Variants in IQCH observed in about 807,000 individuals in gnomAD.
The protein encoded by IQCH is IQ domain-containing protein H.
Under a neutral mutation model 117.0 loss-of-function variants are expected in IQCH, and 98 were observed. That is an observed-to-expected ratio of 0.84 (90% CI 0.71 to 0.99). The LOEUF (loss-of-function observed/expected upper bound fraction) is 0.99. Among genes scored for constraint, IQCH ranks in the 50% least tolerant of loss-of-function variants. The pLI, the probability that IQCH is intolerant of heterozygous loss-of-function variation, is 0.00. For missense variants in IQCH, 1,102 were observed against 1,243.8 expected (o/e 0.89, Z 1.72); for synonymous variants, 412 against 448.2 (o/e 0.92, Z 1.02).
chr15:67,407,663 T>C lies in IQCH; in HGVS notation c.2097+7358T>C, dbSNP rs1416921144. 2.0e-5 allele frequency: 3 copies of C among 152,244 alleles called. No homozygotes were observed. The allele number at this position is 152,244 out of a possible 1,614,324, so 9.4% of individuals were successfully genotyped here. On this transcript the variant is annotated intron_variant, in intron 14 of 20. Coordinates refer to ENST00000335894, the MANE Select transcript of IQCH (RefSeq NM_001031715.3). This position sits in a 1 kb window ranked among gnomAD's most constrained non-coding sequence, Gnocchi z 5.3. ...CCTGCAGTGTTAATTTTTAATATGC[T>C]TACAAAGTACCCTTTGATTTTCTGT...
In IQCH at chr15:67,352,632, G is replaced by A. The variant is rs28870703; in HGVS notation, c.638-4713G>A. ...AATTATATCTGCTATTGAGGAGCCT[G>A]TGGACTATTGAGGAGTCAGTGGTAG... is the stretch of plus-strand genomic sequence containing the variant. On this transcript the variant is annotated intron_variant, in intron 6 of 20. Transcript: ENST00000335894. Among the ~76,000 whole-genome samples, 662 of 149,048 alleles carry A rather than the reference G, an allele frequency of 4.4e-3. 4 individuals carry two copies. The highest frequency in any genetic ancestry group is 0.015 in the African/African-American group (621 of 41,312).
Position 67,411,603 on chromosome 15 carries a change from C to T in IQCH, c.2098-5328C>T, listed in dbSNP as rs182900851. 3.3e-5 allele frequency among the ~76,000 whole-genome samples: 5 copies of T among 152,072 alleles called. No homozygotes were observed. In the East Asian group the frequency reaches 9.7e-4, roughly 29 times the overall value. On this transcript the variant is annotated intron_variant, in intron 14 of 20. Coordinates refer to ENST00000335894, the MANE Select transcript of IQCH (RefSeq NM_001031715.3). The surrounding 1 kb of genome is among the most constrained non-coding windows in gnomAD (Gnocchi z 4.4). ...ATTAATTCACCACTGCAGATTGGCA[C>T]ATGACCCAATTACACCAATGTGTGT...
chr15:67,344,332 C>G, intron 6 of IQCH, 141 bp downstream of exon 6: 1 of 598,494 alleles, frequency 1.7e-6, no homozygotes, highest in Non-Finnish European at 2.8e-6. Flanking sequence ...TCACTACATT[C>G]CCACAGTCAG....
At position 67,364,502 on chromosome 15, in the gene IQCH, T is replaced by C. The variant is rs1970262899; in HGVS notation, c.753+4617T>C. Reference sequence around the variant, plus strand: ...ACTGTTTTTACTACTTTTCATAGCATTGTCTAACTGAACATTTTTATTACA... The same window carrying C: ...ACTGTTTTTACTACTTTTCATAGCACTGTCTAACTGAACATTTTTATTACA... On this transcript the variant is annotated intron_variant, in intron 8 of 20. Coordinates refer to ENST00000335894, the MANE Select transcript of IQCH (RefSeq NM_001031715.3). The surrounding 1 kb of genome is among the most constrained non-coding windows in gnomAD (Gnocchi z 4.1). Among the ~76,000 whole-genome samples the C allele has an allele frequency of 6.6e-6, 1 of 152,186 alleles. No individual in the cohort carries two copies. The highest frequency in any genetic ancestry group is 2.4e-5 in the African/African-American group (1 of 41,450).
Position 67,490,050 on chromosome 15 carries a change from C to T in IQCH, c.2847C>T (p.His949=), listed in dbSNP as rs2083604948. Residue 949 remains histidine (H), a synonymous_variant, in exon 19 of 21, where the codon CAC becomes CAT. Transcript: ENST00000335894. This position sits in a 1 kb window ranked among gnomAD's most constrained non-coding sequence, Gnocchi z 4.9. ...VFILYEHLKR[H]KLGMLTIGED... ...TATTATATGAGCACCTGAAGAGACA[C>T]AAGTTGGGAATGTTGTGAGTATGAA... 1.2e-6 allele frequency: 2 copies of T among 1,611,186 alleles called. No individual in the cohort carries two copies. The highest frequency in any genetic ancestry group is 1.7e-5 in the Admixed American group (1 of 59,942).
At chr15:67,495,272 CA>C (rs1484068692) in intron 20 of IQCH, among the ~76,000 whole-genome samples, 1 of 152,220 alleles carries the variant, frequency 6.6e-6, no homozygotes, top group African/African-American at 2.4e-5. Flanking sequence ...GCTTTCCCTA[CA>C]ACATGATTGA....
rs544945996 is a variant in IQCH, at chr15:67,353,562, G to A, written c.638-3783G>A. Among the ~76,000 whole-genome samples the A allele has an allele frequency of 1.1e-3, 161 of 151,930 alleles. 1 individual carries two copies. Among genetic ancestry groups the A allele is most frequent in the Non-Finnish European group, 1.8e-3 (119 of 68,000 alleles). On this transcript the variant is annotated intron_variant, in intron 6 of 20. Transcript: ENST00000335894. Reference sequence around the variant, plus strand: ...TTTAGTAGAGAGAGGGTTTCACCATGTTGCCCAGGGTGGTCTCAAACTCCT... The same window carrying A: ...TTTAGTAGAGAGAGGGTTTCACCATATTGCCCAGGGTGGTCTCAAACTCCT...
intron 18 of IQCH, among the ~76,000 whole-genome samples, chr15:67,477,044 CTTTTTTTTTTTT>C (rs71455553): frequency 1.4e-5 from 1 of 71,146 alleles, no homozygotes; most frequent in East Asian, 4.4e-4. Context: ...TCTTTTTCTT[CTTTTTTTTTTTT>C]TTTTTTTTTT....
chr15:67,279,874 C>T (rs529897742), intron 4 of IQCH, among the ~76,000 whole-genome samples: 7 of 151,972 alleles, frequency 4.6e-5, no homozygotes, highest in Non-Finnish European at 1.0e-4. Context: ...TGGTGGTGGG[C>T]GCCTGGTACT....
intron 14 of IQCH, among the ~76,000 whole-genome samples, chr15:67,414,758 C>T (rs1264737486): frequency 6.6e-6 from 1 of 151,396 alleles, no homozygotes; most frequent in Admixed American, 6.6e-5. Flanking sequence ...GTAATTTTTG[C>T]TATATAGATG....
At chr15:67,309,638 T>C (rs1000741758) in intron 4 of IQCH, among the ~76,000 whole-genome samples, 1 of 151,944 alleles carries the variant, frequency 6.6e-6, no homozygotes, top group African/African-American at 2.4e-5. Flanking sequence ...CCTAGTGAAA[T>C]GCTGGTACTA....
rs756031584 is a variant in IQCH at position 67,500,635 on chromosome 15, C to T, written c.2973C>T (p.Thr991=). Reference sequence around the variant, plus strand: ...ATAAATATTGTCTTTATTTACAGACCACCATTGCTGATATTGAAACTATTC... The same window carrying T: ...ATAAATATTGTCTTTATTTACAGACTACCATTGCTGATATTGAAACTATTC... ...PNMQGETNFK[T]TIADIETILR... The change falls in exon 21 of 21, where the codon ACC becomes ACT. Residue 991 remains threonine, a splice_region_variant and synonymous_variant. Coordinates refer to ENST00000335894, the MANE Select transcript of IQCH (RefSeq NM_001031715.3). The surrounding 1 kb of genome is among the most constrained non-coding windows in gnomAD (Gnocchi z 4.4). The T allele has an allele frequency of 6.7e-7, 1 of 1,485,752 alleles. No homozygotes were observed. The highest frequency in any genetic ancestry group is 1.2e-5 in the South Asian group (1 of 85,598). 92.0% of individuals were successfully genotyped at this position (1,485,752 alleles called of 1,614,324 possible). A position where few individuals can be genotyped will look rare whatever the true frequency, so the allele number is the denominator to read the frequency against.
At chr15:67,429,573 T>C (rs2140938800) in intron 16 of IQCH, among the ~76,000 whole-genome samples, 1 of 152,332 alleles carries the variant, frequency 6.6e-6, no homozygotes, top group South Asian at 2.1e-4. Context: ...AATACATGAA[T>C]AACGATAACA....
chr15:67,335,369 C>A (rs1346089234), intron 4 of IQCH, among the ~76,000 whole-genome samples: 1 of 152,176 alleles, frequency 6.6e-6, no homozygotes, highest in Non-Finnish European at 1.5e-5. Flanking sequence ...CCTGAAACTG[C>A]CAAACCTATA....
At chr15:67,360,315 T>C (rs568457303) in intron 8 of IQCH, among the ~76,000 whole-genome samples, 1 of 152,346 alleles carries the variant, frequency 6.6e-6, no homozygotes, top group East Asian at 1.9e-4. Context: ...ACATACTGCA[T>C]GTATGCTGTA....
chr15:67,435,941 G>C (rs906102641), intron 16 of IQCH, among the ~76,000 whole-genome samples: 1 of 151,684 alleles, frequency 6.6e-6, no homozygotes, highest in Non-Finnish European at 1.5e-5. Context: ...CTTTGCTATT[G>C]AGTTGTAAGA....
At position 67,496,144 on chromosome 15, in the gene IQCH, C is replaced by T. The variant is rs569257621; in HGVS notation, c.2970+1778C>T. 1.9e-4 allele frequency among the ~76,000 whole-genome samples: 28 copies of T among 151,046 alleles called. No individual in the cohort carries two copies. Among genetic ancestry groups the T allele is most frequent in the Non-Finnish European group, 3.7e-4 (25 of 67,618 alleles). ...CCAGCCTGGGCAACATGGTGAAACCCCATCTCTACAAAAATTACAAAAATT... is the reference window on the plus strand; with the variant it reads ...CCAGCCTGGGCAACATGGTGAAACCTCATCTCTACAAAAATTACAAAAATT... On this transcript the variant is annotated intron_variant, in intron 20 of 20. Coordinates refer to ENST00000335894, the MANE Select transcript of IQCH (RefSeq NM_001031715.3). This position sits in a 1 kb window ranked among gnomAD's most constrained non-coding sequence, Gnocchi z 4.4.
At position 67,481,189 on chromosome 15, in the gene IQCH, T is replaced by G. The variant is rs1432305460; in HGVS notation, c.2799+5371T>G. ...CAACAAAGATTATGGCATCCAGTAC[T>G]GTATTAGTCTGTTCTCATGCTGCTA... On this transcript the variant is annotated intron_variant, in intron 18 of 20. Coordinates refer to ENST00000335894, the MANE Select transcript of IQCH (RefSeq NM_001031715.3). This position sits in a 1 kb window ranked among gnomAD's most constrained non-coding sequence, Gnocchi z 4.1. Among the ~76,000 whole-genome samples, 1 of 152,200 alleles carries G rather than the reference T, an allele frequency of 6.6e-6. No individual in the cohort carries two copies. Among genetic ancestry groups the G allele is most frequent in the Non-Finnish European group, 1.5e-5 (1 of 68,040 alleles).
intron 4 of IQCH, among the ~76,000 whole-genome samples, chr15:67,331,994 A>C (rs1968687466): frequency 6.6e-6 from 1 of 152,214 alleles, no homozygotes; most frequent in Admixed American, 6.5e-5. Flanking sequence ...ACAGACATGT[A>C]CTCAGCTAAA....
Sources: allele counts gnomAD v4.1 joint callset (sites outside exome capture counted in the v4.1 genomes callset), GRCh38; gene constraint gnomAD v4.1.1; non-coding constraint Gnocchi (gnomAD v3.1); transcripts MANE v1.5; gene names NCBI Gene and HGNC (gene_info 2026-07-23, HGNC 2026-07-21).